Variants in PRKD3 observed in about 807,000 individuals in gnomAD.
PRKD3 encodes the protein serine/threonine-protein kinase D3.
A neutral mutation model predicts 99.2 loss-of-function variants in PRKD3; 47 were observed. The observed-to-expected ratio is 0.47, with a 90% CI of 0.38 to 0.60. The LOEUF (loss-of-function observed/expected upper bound fraction) is 0.60. Among genes scored for constraint, PRKD3 ranks in the 20% least tolerant of loss-of-function variants. The pLI, the probability that PRKD3 is intolerant of heterozygous loss-of-function variation, is 0.00. For synonymous variants in PRKD3, 392 were observed against 355.4 expected (o/e 1.10, Z -1.16); for missense variants, 1,019 against 1,088.4 (o/e 0.94, Z 0.90).
At chr2:37,258,943 C>T (rs1668191258) in intron 16 of PRKD3, among the ~76,000 whole-genome samples, 1 of 151,948 alleles carries the variant, frequency 6.6e-6, no homozygotes, top group South Asian at 2.1e-4. Flanking sequence ...AAAATGGCTG[C>T]AGGGTACCAC....
At chr2:37,256,477 C>T (rs1466239235) in intron 17 of PRKD3, among the ~76,000 whole-genome samples, 185 bp downstream of exon 17, 1 of 151,822 alleles carries the variant, frequency 6.6e-6, no homozygotes, top group Non-Finnish European at 1.5e-5. Flanking sequence ...ATACAGAAGA[C>T]ACAGATAAAA....
intron 2 of PRKD3, among the ~76,000 whole-genome samples, chr2:37,301,271 G>C (rs975306834): frequency 1.3e-5 from 2 of 152,064 alleles, no homozygotes; most frequent in Non-Finnish European, 2.9e-5. Flanking sequence ...TTCTCAAAAT[G>C]ATTTGACAGC....
At chr2:37,305,546 T>C (rs181968739) in intron 2 of PRKD3, among the ~76,000 whole-genome samples, 3 of 152,246 alleles carry the variant, frequency 2.0e-5, no homozygotes, top group Admixed American at 6.5e-5. Flanking sequence ...AGAAGTGCTA[T>C]TGAGTGCAGT....
chr2:37,295,090 C>G (rs1158000958), intron 2 of PRKD3, among the ~76,000 whole-genome samples: 2 of 152,098 alleles, frequency 1.3e-5, no homozygotes, highest in Non-Finnish European at 2.9e-5. Flanking sequence ...AACAAACAAA[C>G]AAACTCACTC....
chr2:37,291,115 C>T (rs1670400665), intron 3 of PRKD3, 116 bp from the exon 4 acceptor site: 2 of 941,244 alleles, frequency 2.1e-6, no homozygotes, highest in African/African-American at 1.7e-5. Flanking sequence ...CTGAAAGTTG[C>T]ACTGGACCAT....
At chr2:37,262,867 G>C (rs1253717357) in intron 14 of PRKD3, among the ~76,000 whole-genome samples, 3 of 151,870 alleles carry the variant, frequency 2.0e-5, no homozygotes, top group Admixed American at 6.6e-5. Flanking sequence ...TTATCTGATA[G>C]AGATGAGCAA....
intron 2 of PRKD3, among the ~76,000 whole-genome samples, chr2:37,296,481 C>T (rs933862367): frequency 1.7e-4 from 26 of 151,746 alleles, no homozygotes; most frequent in Admixed American, 1.7e-3. Context: ...CTATACTCAT[C>T]TATACGACAG....
chr2:37,312,622 GC>G (rs1210812658), intron 2 of PRKD3, among the ~76,000 whole-genome samples: 2 of 152,130 alleles, frequency 1.3e-5, no homozygotes, highest in African/African-American at 4.8e-5. Flanking sequence ...CAGTGCTGAA[GC>G]AGTCTAGTGT....
intron 2 of PRKD3, among the ~76,000 whole-genome samples, chr2:37,305,085 T>C (rs1433456692): frequency 2.0e-5 from 3 of 152,234 alleles, no homozygotes; most frequent in East Asian, 3.9e-4. Context: ...GCAACACAGC[T>C]GTAGTAGAAA....
At chr2:37,303,356 T>C (rs1572691344) in intron 2 of PRKD3, among the ~76,000 whole-genome samples, 1 of 152,130 alleles carries the variant, frequency 6.6e-6, no homozygotes, top group Non-Finnish European at 1.5e-5. Flanking sequence ...GGCTGTTGCA[T>C]AGGCCCTTTC....
At chr2:37,316,142 TG>T in intron 2 of PRKD3, 94 bp downstream of exon 2, 6 of 1,256,356 alleles carry the variant, frequency 4.8e-6, no homozygotes, top group Non-Finnish European at 6.7e-6. Flanking sequence ...AAACTACTGA[TG>T]GATCAGTATG....
chr2:37,270,858 A>T (rs567341077), intron 12 of PRKD3, among the ~76,000 whole-genome samples: 2 of 152,326 alleles, frequency 1.3e-5, no homozygotes, highest in South Asian at 4.1e-4. Context: ...ATGTATGTGT[A>T]TATATATTTG....
chr2:37,312,670 G>T (rs1200754222), intron 2 of PRKD3, among the ~76,000 whole-genome samples: 1 of 152,176 alleles, frequency 6.6e-6, no homozygotes, highest in East Asian at 1.9e-4. Context: ...CCCTTATAGA[G>T]TAACTACACG....
chr2:37,255,432 T>C (rs1020436116), intron 17 of PRKD3, among the ~76,000 whole-genome samples: 1 of 152,216 alleles, frequency 6.6e-6, no homozygotes, highest in African/African-American at 2.4e-5. Context: ...GTACTTGTCC[T>C]TCCTATCAGT....
chr2:37,297,765 G>C (rs1670737469), intron 2 of PRKD3, among the ~76,000 whole-genome samples: 10 of 152,156 alleles, frequency 6.6e-5, no homozygotes, highest in Admixed American at 6.6e-4. Flanking sequence ...TGGGGAGGCA[G>C]ACCACAGAGG....
At chr2:37,304,566 C>CGCCATCT (rs1558572819) in intron 2 of PRKD3, among the ~76,000 whole-genome samples, 2 of 151,900 alleles carry the variant, frequency 1.3e-5, no homozygotes, top group African/African-American at 4.8e-5. Context: ...CATGCTGAAA[C>CGCCATCT]GCCATCTCTA....
At chr2:37,311,198 T>C (rs1215359973) in intron 2 of PRKD3, among the ~76,000 whole-genome samples, 1 of 152,178 alleles carries the variant, frequency 6.6e-6, no homozygotes, top group Non-Finnish European at 1.5e-5. Context: ...AGCTTATTTC[T>C]CCAGGTGAAG....
chr2:37,319,967 C>T (rs567450012), intron 1 of PRKD3, among the ~76,000 whole-genome samples: 7 of 152,220 alleles, frequency 4.6e-5, no homozygotes, highest in South Asian at 2.1e-4. Flanking sequence ...GATTGAGCTA[C>T]GGGGTACAAA....
rs571681150 is a variant in PRKD3 at position 37,318,094 on chromosome 2, A to G, written c.-655-915T>C. Among the ~76,000 whole-genome samples, 73 of 152,274 alleles carry G rather than the reference A, an allele frequency of 4.8e-4. No homozygotes were observed. The South Asian group carries it at 0.015, about 31-fold the overall frequency. The stretch of plus-strand genomic sequence containing the variant: ...CCATAAATAATTCCAATGAAGAGAA[A>G]GAGTAAATCATCCAATGTGGCTGCA... On this transcript the variant is annotated intron_variant, in intron 1 of 18. Coordinates refer to ENST00000234179, the MANE Select transcript of PRKD3 (RefSeq NM_005813.6).
Sources: gnomAD v4.1 joint callset for allele counts (sites outside exome capture counted in the v4.1 genomes callset) on GRCh38, gnomAD v4.1.1 for gene constraint, MANE v1.5 for transcripts, NCBI Gene and HGNC (gene_info 2026-07-23, HGNC 2026-07-21) for gene names.